Variants in FMN1 observed in about 807,000 individuals in gnomAD.
The protein encoded by FMN1 is formin 1.
In FMN1, 110 loss-of-function variants were observed where a neutral mutation model predicts 132.4. That is an observed-to-expected ratio of 0.83 (90% CI 0.71 to 0.97). The LOEUF is 0.97. Among genes scored for constraint, FMN1 ranks in the 50% least tolerant of loss-of-function variants. FMN1 has a pLI of 0.00. For synonymous variants in FMN1, 722 were observed against 651.7 expected, an observed-to-expected ratio of 1.11 and a Z score of -1.64; for missense variants, 1,792 against 1,705.3, an observed-to-expected ratio of 1.05 and a Z score of -0.90.
intron 16 of FMN1, among the ~76,000 whole-genome samples, chr15:32,877,689 C>CCACTACTG (rs373107471): frequency 2.0e-5 from 3 of 152,286 alleles, no homozygotes; most frequent in African/African-American, 7.2e-5. Flanking sequence ...GGTGAGGAAC[C>CCACTACTG]CACTACTGCT....
At chr15:32,941,011 G>A (rs981094886) in intron 9 of FMN1, among the ~76,000 whole-genome samples, 1 of 132,382 alleles carries the variant, frequency 7.6e-6, no homozygotes, top group Non-Finnish European at 1.5e-5. Context: ...CAAAGGAAAG[G>A]TTCCCCAAAA....
chr15:33,116,223 C>T (rs1434635359), intron 4 of FMN1, among the ~76,000 whole-genome samples: 1 of 151,966 alleles, frequency 6.6e-6, no homozygotes. Context: ...TGGGATTGAC[C>T]TAGTCTAGGA....
intron 17 of FMN1, among the ~76,000 whole-genome samples, chr15:32,836,647 A>G (rs1280489231): frequency 6.6e-6 from 1 of 152,208 alleles, no homozygotes; most frequent in East Asian, 1.9e-4. Flanking sequence ...TTGGTGAAGA[A>G]CAAGAGGATA....
intron 16 of FMN1, among the ~76,000 whole-genome samples, chr15:32,887,120 G>C (rs923126944): frequency 6.6e-6 from 1 of 152,198 alleles, no homozygotes; most frequent in Non-Finnish European, 1.5e-5. Context: ...TTGCCACCGG[G>C]AGCAGATCTT....
chr15:33,054,733 G>C (rs2037138435), intron 6 of FMN1, among the ~76,000 whole-genome samples: 1 of 152,214 alleles, frequency 6.6e-6, no homozygotes, highest in South Asian at 2.1e-4. Flanking sequence ...GCCAATCACA[G>C]CTTCCGGAAA....
chr15:33,152,438 A>T (rs1490442007), intron 4 of FMN1, among the ~76,000 whole-genome samples: 10 of 152,216 alleles, frequency 6.6e-5, no homozygotes, highest in Non-Finnish European at 1.3e-4. Context: ...ACTGTAAAAA[A>T]AGAAAACTTT....
chr15:32,790,885 T>A (rs1203713171), intron 19 of FMN1, among the ~76,000 whole-genome samples: 1 of 152,066 alleles, frequency 6.6e-6, no homozygotes, highest in Non-Finnish European at 1.5e-5. Context: ...AAATAACAAG[T>A]TGGAATGAAT....
chr15:32,952,020 G>T (rs1410843519), intron 9 of FMN1, among the ~76,000 whole-genome samples: 1 of 152,150 alleles, frequency 6.6e-6, no homozygotes, highest in African/African-American at 2.4e-5. Flanking sequence ...GCTTGATCTT[G>T]AATTCATAGG....
chr15:33,000,956 C>T (rs911764429), intron 7 of FMN1, among the ~76,000 whole-genome samples: 4 of 152,152 alleles, frequency 2.6e-5, no homozygotes, highest in Non-Finnish European at 5.9e-5. Context: ...GGCACAAGTA[C>T]AGCAGGAAGA....
chr15:32,964,909 G>A (rs1244662484), intron 8 of FMN1, among the ~76,000 whole-genome samples: 1 of 152,096 alleles, frequency 6.6e-6, no homozygotes, highest in Non-Finnish European at 1.5e-5. Flanking sequence ...ATCATCTAAA[G>A]TAGCCATAGG....
At chr15:32,803,196 C>A (rs1356438440) in intron 18 of FMN1, among the ~76,000 whole-genome samples, 1 of 152,190 alleles carries the variant, frequency 6.6e-6, no homozygotes, top group South Asian at 2.1e-4. Context: ...TCCTCTCACA[C>A]ATTTGTAAAG....
At chr15:32,935,201 G>A (rs1156862946) in intron 9 of FMN1, among the ~76,000 whole-genome samples, 1 of 152,142 alleles carries the variant, frequency 6.6e-6, no homozygotes, top group Non-Finnish European at 1.5e-5. Flanking sequence ...GATTACAGGC[G>A]TGAGCCACTG....
intron 4 of FMN1, among the ~76,000 whole-genome samples, chr15:33,098,964 C>T (rs112255315): frequency 3.3e-5 from 5 of 152,198 alleles, no homozygotes; most frequent in African/African-American, 1.2e-4. Flanking sequence ...CAGTTATTTT[C>T]ATTTTAAACT....
At chr15:32,892,053 CTCT>C (rs2060044520) in intron 15 of FMN1, among the ~76,000 whole-genome samples, 1 of 152,198 alleles carries the variant, frequency 6.6e-6, no homozygotes, top group East Asian at 1.9e-4. Flanking sequence ...TCCTTTCTTT[CTCT>C]TGTCTGATTG....
Position 32,969,433 on chromosome 15 carries a change from T to C in FMN1, c.2268A>G (p.Ala756=), listed in dbSNP as rs773707100. 4.3e-6 allele frequency: 7 copies of C among 1,614,030 alleles called. No homozygotes were observed. The highest frequency in any genetic ancestry group is 1.7e-5 in the Admixed American group (1 of 60,030). Residue 756 remains alanine, a synonymous_variant, in exon 8 of 21, where the codon GCA becomes GCG. Transcript: ENST00000616417. ...TTTCTTCTAGTCTCGCTGTTATCAT[T>C]GCATGCTCGCCCCGGATATGAAATG... is the stretch of plus-strand genomic sequence containing the variant. ...LRAFHIRGEH[A]MITARLEETI... is the part of the protein sequence containing the mutation.
chr15:32,935,596 T>C (rs1366614436), intron 9 of FMN1, among the ~76,000 whole-genome samples: 1 of 152,080 alleles, frequency 6.6e-6, no homozygotes, highest in African/African-American at 2.4e-5. Flanking sequence ...TTGATCTGCT[T>C]GACGGTGTTC....
At chr15:32,809,094 T>TG (rs952022407) in intron 17 of FMN1, among the ~76,000 whole-genome samples, 35 of 152,286 alleles carry the variant, frequency 2.3e-4, no homozygotes, top group African/African-American at 8.2e-4. Context: ...CTGGGAGTCA[T>TG]GGGGGTGGAT....
intron 4 of FMN1, among the ~76,000 whole-genome samples, chr15:33,123,514 A>C (rs1439279649): frequency 6.6e-6 from 1 of 152,224 alleles, no homozygotes; most frequent in Admixed American, 6.5e-5. Context: ...ATATGTCCTC[A>C]AAAGATAAAT....
chr15:32,832,682 G>T (rs948752160), intron 17 of FMN1, among the ~76,000 whole-genome samples: 9 of 152,240 alleles, frequency 5.9e-5, no homozygotes, highest in African/African-American at 1.9e-4. Flanking sequence ...GGAGACTGAG[G>T]CAGGGGAATC....
Sources: gnomAD v4.1 joint callset for allele counts (sites outside exome capture counted in the v4.1 genomes callset) on GRCh38, gnomAD v4.1.1 for gene constraint, MANE v1.5 for transcripts, NCBI Gene and HGNC (gene_info 2026-07-23, HGNC 2026-07-21) for gene names.